Variants in GRIN2A observed in about 807,000 individuals in gnomAD.
GRIN2A encodes glutamate ionotropic receptor NMDA type subunit 2A.
A neutral mutation model predicts 113.4 loss-of-function variants in GRIN2A; 22 were observed. The observed-to-expected ratio is 0.19, with a 90% CI of 0.14 to 0.28. The LOEUF (loss-of-function observed/expected upper bound fraction) is 0.28. GRIN2A is among the 10% of genes least tolerant of loss of function. The probability of loss-of-function intolerance (pLI) is 1.00; values close to 1 mark genes in which losing one functional copy is unlikely to be tolerated. For missense variants in GRIN2A, 1,502 were observed against 1,887.0 expected, an observed-to-expected ratio of 0.80 and a Z score of 3.78; for synonymous variants, 827 against 738.4, an observed-to-expected ratio of 1.12 and a Z score of -1.94.
chr16:10,013,024 G>T (rs1367285104), intron 2 of GRIN2A, among the ~76,000 whole-genome samples: 1 of 152,120 alleles, frequency 6.6e-6, no homozygotes, highest in Admixed American at 6.5e-5. Context: ...AGGCGGTAGA[G>T]GAGCAGAAAA....
chr16:10,152,508 GT>G (rs978986319), intron 2 of GRIN2A, among the ~76,000 whole-genome samples: 3 of 152,130 alleles, frequency 2.0e-5, no homozygotes, highest in East Asian at 1.9e-4. Flanking sequence ...AGTCCAGTCC[GT>G]TTTCCCCCCA....
At chr16:10,031,986 A>T (rs1288147752) in intron 2 of GRIN2A, among the ~76,000 whole-genome samples, 1 of 152,206 alleles carries the variant, frequency 6.6e-6, no homozygotes, top group Non-Finnish European at 1.5e-5. Context: ...TCTCAGTTTC[A>T]GCCCATGTCC....
chr16:10,149,666 A>G (rs2049526524), intron 2 of GRIN2A, among the ~76,000 whole-genome samples: 1 of 152,116 alleles, frequency 6.6e-6, no homozygotes, highest in South Asian at 2.1e-4. Context: ...TCCTCACCCA[A>G]GTAACCATCC....
chr16:9,786,165 G>C (rs753745227), intron 11 of GRIN2A, among the ~76,000 whole-genome samples: 3 of 152,182 alleles, frequency 2.0e-5, no homozygotes, highest in Non-Finnish European at 2.9e-5. Flanking sequence ...AGATTATGCA[G>C]CTCCAAGAAG....
chr16:9,955,944 C>A (rs1445181864), intron 2 of GRIN2A, among the ~76,000 whole-genome samples: 1 of 152,212 alleles, frequency 6.6e-6, no homozygotes, highest in Non-Finnish European at 1.5e-5. Flanking sequence ...ATCACGCTGA[C>A]AAAGTCTCTG....
intron 2 of GRIN2A, among the ~76,000 whole-genome samples, chr16:10,075,707 G>A (rs2047858924): frequency 1.3e-5 from 2 of 152,046 alleles, no homozygotes; most frequent in South Asian, 4.2e-4. Context: ...TTAAAAATAA[G>A]CCCTTTGACT....
chr16:9,913,876 T>C (rs1049131640), intron 3 of GRIN2A, among the ~76,000 whole-genome samples: 2 of 152,152 alleles, frequency 1.3e-5, no homozygotes, highest in Non-Finnish European at 2.9e-5. Flanking sequence ...GCTTGAAGTT[T>C]GAAATAACAT....
At chr16:10,091,473 C>T (rs920054995) in intron 2 of GRIN2A, among the ~76,000 whole-genome samples, 35 of 151,218 alleles carry the variant, frequency 2.3e-4, no homozygotes, top group South Asian at 4.2e-4. Context: ...CACACACACA[C>T]ACACACACAC....
chr16:9,979,613 T>A (rs1246554544), intron 2 of GRIN2A, among the ~76,000 whole-genome samples: 1 of 152,016 alleles, frequency 6.6e-6, no homozygotes, highest in Non-Finnish European at 1.5e-5. Context: ...ATTAGTTTTT[T>A]CACCTGTGTA....
At chr16:10,029,523 A>G (rs1265267255) in intron 2 of GRIN2A, among the ~76,000 whole-genome samples, 3 of 152,258 alleles carry the variant, frequency 2.0e-5, no homozygotes, top group Non-Finnish European at 4.4e-5. Context: ...ATTTTAAAAA[A>G]AAGAACAAGA....
In GRIN2A at chr16:10,044,084, C is replaced by T. The variant is rs2047219378; in HGVS notation, c.415-105533G>A. Among the ~76,000 whole-genome samples, 3 of 149,534 alleles carry T rather than the reference C, an allele frequency of 2.0e-5. No homozygotes were observed. The Admixed American group carries it at 2.0e-4, about 10-fold the overall frequency. On this transcript the variant is annotated intron_variant, in intron 2 of 12. Coordinates refer to ENST00000330684, the MANE Select transcript of GRIN2A (RefSeq NM_001134407.3). ...ACAGAGACAGAGACAGAGAGTGCCTCACTCTGTAGCCCAGGCAGGAATACG... is the reference window on the plus strand; with the variant it reads ...ACAGAGACAGAGACAGAGAGTGCCTTACTCTGTAGCCCAGGCAGGAATACG...
intron 11 of GRIN2A, among the ~76,000 whole-genome samples, chr16:9,790,427 A>G (rs1902537815): frequency 6.6e-6 from 1 of 152,216 alleles, no homozygotes; most frequent in African/African-American, 2.4e-5. Flanking sequence ...GTAGCAATTT[A>G]TGATCCACTA....
intron 4 of GRIN2A, among the ~76,000 whole-genome samples, chr16:9,863,921 T>G (rs1297202865): frequency 6.6e-6 from 1 of 151,996 alleles, no homozygotes; most frequent in Non-Finnish European, 1.5e-5. Context: ...GCAAAAAAAG[T>G]TTAGGAGGAG....
chr16:9,800,165 G>C (rs150293161), intron 10 of GRIN2A, among the ~76,000 whole-genome samples: 2,642 of 152,136 alleles, frequency 0.017, 81 homozygotes, highest in African/African-American at 0.06. Context: ...AGTAGAGACA[G>C]GGTTTCACCA....
intron 3 of GRIN2A, among the ~76,000 whole-genome samples, chr16:9,931,658 C>T (rs2044596809): frequency 6.6e-6 from 1 of 152,120 alleles, no homozygotes; most frequent in Non-Finnish European, 1.5e-5. Flanking sequence ...AACATCCACC[C>T]TCTCCCTTCT....
chr16:10,026,034 A>G (rs1405697443), intron 2 of GRIN2A, among the ~76,000 whole-genome samples: 2 of 152,104 alleles, frequency 1.3e-5, no homozygotes, highest in Non-Finnish European at 2.9e-5. Flanking sequence ...CTACATCATC[A>G]CTGTTCTCAG....
chr16:9,996,104 T>C (rs2046220121), intron 2 of GRIN2A, among the ~76,000 whole-genome samples: 1 of 140,668 alleles, frequency 7.1e-6, no homozygotes, highest in Non-Finnish European at 1.5e-5. Context: ...GAAAGGAGGA[T>C]TTGGAAAGTA....
chr16:9,798,504 G>A, intron 10 of GRIN2A, 40 bp from the exon 11 acceptor site: 1 of 1,549,462 alleles, frequency 6.5e-7, no homozygotes, highest in Non-Finnish European at 8.9e-7. Context: ...GGGGTGGCCA[G>A]GTACCACCTC....
chr16:9,807,022 G>A (rs1388333135), intron 10 of GRIN2A, among the ~76,000 whole-genome samples: 3 of 151,034 alleles, frequency 2.0e-5, no homozygotes, highest in Admixed American at 2.0e-4. Flanking sequence ...CTTTTACTTG[G>A]TTCTCATTCT....
Sources: allele counts gnomAD v4.1 joint callset (sites outside exome capture counted in the v4.1 genomes callset), GRCh38; gene constraint gnomAD v4.1.1; transcripts MANE v1.5; gene names NCBI Gene and HGNC (gene_info 2026-07-23, HGNC 2026-07-21).